Variants in DSCAM observed in about 807,000 individuals in gnomAD.
DSCAM encodes the protein DS cell adhesion molecule.
Under a neutral mutation model 217.7 loss-of-function variants are expected in DSCAM, and 47 were observed. The ratio of observed to expected loss-of-function variants is 0.22; its 90% CI spans 0.17 to 0.28. The LOEUF is 0.28. DSCAM is among the 10% of genes least tolerant of loss of function. The pLI, the probability that DSCAM is intolerant of heterozygous loss-of-function variation, is 1.00. For synonymous variants in DSCAM, 1,056 were observed against 1,015.3 expected (o/e 1.04, Z -0.76); for missense variants, 2,080 against 2,618.3 (o/e 0.79, Z 4.49).
rs1287659242 is a variant in DSCAM, at chr21:40,338,037, A to T, written c.1783+64T>A. 48 of 1,574,834 alleles carry T rather than the reference A, an allele frequency of 3.0e-5. No individual in the cohort carries two copies. In the Admixed American group the frequency reaches 8.2e-4, roughly 27 times the overall value. On this transcript the variant is annotated intron_variant, in intron 8 of 32. Transcript: ENST00000400454. ...ATCTTGGATTACCCGACTTCAAATC[A>T]TTGGTCTGGGAAGTAGTCGGGCTAT...
intron 1 of DSCAM, among the ~76,000 whole-genome samples, chr21:40,829,359 T>A (rs1303331456): frequency 1.3e-5 from 2 of 152,092 alleles, no homozygotes; most frequent in Non-Finnish European, 2.9e-5. Flanking sequence ...GACACAGAAA[T>A]CAACTAGGGC....
At chr21:40,160,289 T>A (rs2090526531) in intron 16 of DSCAM, among the ~76,000 whole-genome samples, 1 of 152,236 alleles carries the variant, frequency 6.6e-6, no homozygotes, top group Non-Finnish European at 1.5e-5. Context: ...GGTGTAGAGA[T>A]GGGTGTCGTA....
chr21:40,393,444 T>C (rs2075151654), intron 3 of DSCAM, among the ~76,000 whole-genome samples: 1 of 152,244 alleles, frequency 6.6e-6, no homozygotes, highest in South Asian at 2.1e-4. Context: ...AAAGCCACTT[T>C]ACTAAATGTA....
chr21:40,137,533 T>C (rs534954069), intron 18 of DSCAM, among the ~76,000 whole-genome samples: 2 of 152,062 alleles, frequency 1.3e-5, no homozygotes, highest in African/African-American at 4.8e-5. Context: ...TTTTTAACGC[T>C]TTTTCTTTTT....
chr21:40,783,639 C>T (rs559519942), intron 1 of DSCAM, among the ~76,000 whole-genome samples: 1 of 152,304 alleles, frequency 6.6e-6, no homozygotes, highest in African/African-American at 2.4e-5. Flanking sequence ...AAGGCCCACA[C>T]CTCTCAAAAA....
At chr21:40,829,376 G>A (rs145792793) in intron 1 of DSCAM, among the ~76,000 whole-genome samples, 448 of 152,326 alleles carry the variant, frequency 2.9e-3, no homozygotes, top group Non-Finnish European at 5.6e-3. Context: ...GGGCAGTGAG[G>A]TAGATTGAGG....
intron 10 of DSCAM, among the ~76,000 whole-genome samples, chr21:40,287,845 G>A (rs942693436): frequency 6.6e-6 from 1 of 152,158 alleles, no homozygotes; most frequent in Non-Finnish European, 1.5e-5. Context: ...GTAGGAGAAG[G>A]AGGAGCTAAA....
At chr21:40,091,217 G>A (rs981032625) in intron 21 of DSCAM, among the ~76,000 whole-genome samples, 23 of 152,096 alleles carry the variant, frequency 1.5e-4, no homozygotes, top group African/African-American at 5.1e-4. Flanking sequence ...ACACACACAT[G>A]CACACAGAGA....
intron 23 of DSCAM, among the ~76,000 whole-genome samples, chr21:40,085,048 AC>A (rs2089513295): frequency 6.6e-6 from 1 of 152,222 alleles, no homozygotes; most frequent in South Asian, 2.1e-4. Flanking sequence ...ATTGGGATTT[AC>A]ACAAAATTTT....
At chr21:40,541,208 A>G (rs1449102137) in intron 3 of DSCAM, among the ~76,000 whole-genome samples, 1 of 152,142 alleles carries the variant, frequency 6.6e-6, no homozygotes, top group African/African-American at 2.4e-5. Context: ...AATTTTCAAT[A>G]AAAAAGCATT....
intron 3 of DSCAM, among the ~76,000 whole-genome samples, chr21:40,526,451 C>T (rs377091088): frequency 8.8e-4 from 134 of 152,238 alleles, no homozygotes; most frequent in African/African-American, 2.5e-3. Flanking sequence ...CCATCCAAGC[C>T]TTAACTGACA....
intron 3 of DSCAM, among the ~76,000 whole-genome samples, chr21:40,375,593 T>C (rs1012148730): frequency 3.9e-5 from 6 of 152,242 alleles, no homozygotes; most frequent in African/African-American, 7.2e-5. Flanking sequence ...GGTTTTATTA[T>C]ACCTGTATGT....
chr21:40,372,419 TAACCGGACACAGTTCTAA>T (rs2074907972), intron 3 of DSCAM, among the ~76,000 whole-genome samples: 1 of 152,222 alleles, frequency 6.6e-6, no homozygotes, highest in Admixed American at 6.5e-5. Context: ...ATTAGCATTT[TAACCGGACACAGTTCTAA>T]AACATAGTTC....
intron 16 of DSCAM, among the ~76,000 whole-genome samples, chr21:40,146,233 G>T (rs9978649): frequency 0.025 from 3,826 of 151,086 alleles, 81 homozygotes; most frequent in Middle Eastern, 0.061. Context: ...TGAAGTGGTG[G>T]GAAGACTCAG....
At chr21:40,151,229 A>C (rs1327079451) in intron 16 of DSCAM, among the ~76,000 whole-genome samples, 1 of 152,052 alleles carries the variant, frequency 6.6e-6, no homozygotes, top group African/African-American at 2.4e-5. Flanking sequence ...CTGTTGTCAA[A>C]AAATGTTCTT....
At chr21:40,344,433 G>C (rs117287213) in intron 6 of DSCAM, among the ~76,000 whole-genome samples, 15 of 152,102 alleles carry the variant, frequency 9.9e-5, no homozygotes, top group Non-Finnish European at 1.9e-4. Context: ...AATGTGCAGG[G>C]CTGCTGACAT....
At chr21:40,205,206 C>T (rs767881594) in intron 11 of DSCAM, among the ~76,000 whole-genome samples, 9 of 152,180 alleles carry the variant, frequency 5.9e-5, no homozygotes, top group Non-Finnish European at 8.8e-5. Flanking sequence ...CTAAATGAAG[C>T]AGAAACCTGC....
chr21:40,442,506 ATTTTTTTTTTG>A (rs1374749473), intron 3 of DSCAM, among the ~76,000 whole-genome samples: 1 of 107,102 alleles, frequency 9.3e-6, no homozygotes, highest in African/African-American at 3.5e-5. Context: ...AAGACCCCTA[ATTTTTTTTTTG>A]TTTTTTTTTT....
rs369493664 is a variant in DSCAM, at chr21:40,522,820, A to G, written c.509-153575T>C. Among the ~76,000 whole-genome samples the G allele has an allele frequency of 3.2e-4, 49 of 152,324 alleles. 1 individual carries two copies. The East Asian group carries it at 5.8e-3, about 18-fold the overall frequency. ...ACTCTATCTTGCCACCTTGCTGCCC[A>G]GAGTTGAAAGCAGCCTGGTACTCAG... is the stretch of plus-strand genomic sequence containing the variant. On this transcript the variant is annotated intron_variant, in intron 3 of 32. Transcript: ENST00000400454.
Sources: allele counts gnomAD v4.1 joint callset (sites outside exome capture counted in the v4.1 genomes callset), GRCh38; gene constraint gnomAD v4.1.1; transcripts MANE v1.5; gene names NCBI Gene and HGNC (gene_info 2026-07-23, HGNC 2026-07-21).